The following LRRC57 variants were observed in gnomAD, a reference collection of about 807,000 sequenced individuals.
The protein encoded by LRRC57 is leucine rich repeat containing 57, also known as leucine-rich repeat-containing protein 57.
In LRRC57, 14 loss-of-function variants were observed where a neutral mutation model predicts 23.1. The ratio of observed to expected loss-of-function variants is 0.61; its 90% CI spans 0.40 to 0.95. LRRC57 has a LOEUF of 0.95. Ranked by LOEUF, LRRC57 falls within the 40% of genes least tolerant of loss-of-function variation. The pLI, the probability that LRRC57 is intolerant of heterozygous loss-of-function variation, is 0.00. For missense variants in LRRC57, 236 were observed against 284.4 expected, an observed-to-expected ratio of 0.83 and a Z score of 1.22; for synonymous variants, 106 against 115.2, an observed-to-expected ratio of 0.92 and a Z score of 0.51.
At chr15:42,544,904 T>TA (rs1223864408) in intron 5 of LRRC57, among the ~76,000 whole-genome samples, 173 bp downstream of exon 5, 1 of 148,492 alleles carries the variant, frequency 6.7e-6, no homozygotes, top group African/African-American at 2.6e-5. Flanking sequence ...ATAAGCTGTC[T>TA]ATAGAGAAAA....
rs1260368242 is a variant in LRRC57, at chr15:42,539,897, T to C, written c.*4186A>G. ...GCTTAGACATACAGAATGAGCATATTAATTAAGAGAGGGCAGGCTGGGCAC... is the reference window on the plus strand; with the variant it reads ...GCTTAGACATACAGAATGAGCATATCAATTAAGAGAGGGCAGGCTGGGCAC... On this transcript the variant is annotated 3_prime_UTR_variant, in exon 6 of 6. Transcript: ENST00000397130. 2 of 152,070 alleles carry C rather than the reference T, an allele frequency of 1.3e-5. No homozygotes were observed. The highest frequency in any genetic ancestry group is 2.9e-5 in the Non-Finnish European group (2 of 68,024). 9.4% of individuals were successfully genotyped at this position (152,070 alleles called of 1,614,324 possible).
the LRRC57 span, chr15:42,532,495 G>A: frequency 3.9e-5 from 6 of 152,474 alleles, no homozygotes; most frequent in East Asian, 9.6e-4. Context: ...ATATAAATGA[G>A]TGGCTTTTTA....
chr15:42,533,433 C>T (rs1000553443), downstream of LRRC57, among the ~76,000 whole-genome samples: 1 of 152,194 alleles, frequency 6.6e-6, no homozygotes, highest in African/African-American at 2.4e-5. Flanking sequence ...TGAGATGCAA[C>T]TACACCCTCT....
downstream of LRRC57, among the ~76,000 whole-genome samples, chr15:42,534,631 T>A (rs1293702534): frequency 2.0e-5 from 3 of 152,214 alleles, no homozygotes; most frequent in Non-Finnish European, 2.9e-5. Flanking sequence ...ATGACATTTA[T>A]TTCTTAAGCA....
intron 4 of LRRC57, 115 bp downstream of exon 4, chr15:42,547,146 T>C: frequency 8.6e-7 from 1 of 1,168,088 alleles, no homozygotes; most frequent in Non-Finnish European, 1.2e-6. Context: ...ACCTCTCATT[T>C]AGCCTCTGAT....
At position 42,543,922 on chromosome 15, in the gene LRRC57, G is replaced by A. The variant is rs944299792; in HGVS notation, c.*161C>T. 11 of 538,482 alleles carry A rather than the reference G, an allele frequency of 2.0e-5. No individual in the cohort carries two copies. Among genetic ancestry groups the A allele is most frequent in the Non-Finnish European group, 3.6e-5 (11 of 301,380 alleles). The allele number at this position is 538,482 out of a possible 1,614,324, so 33.4% of individuals were successfully genotyped here. A position where few individuals can be genotyped will look rare whatever the true frequency, so the allele number is the denominator to read the frequency against. On this transcript the variant is annotated 3_prime_UTR_variant, in exon 6 of 6. Transcript: ENST00000397130. ...TTTTCTTTTAGCTTATTTGAGAAGA[G>A]CCCTGAAATGAGAAAAGATCATTGA...
the LRRC57 span, among the ~76,000 whole-genome samples, chr15:42,530,666 C>T: frequency 1.3e-5 from 2 of 152,078 alleles, no homozygotes; most frequent in Non-Finnish European, 2.9e-5. Flanking sequence ...AGAAGGATTG[C>T]TTGAGTGTAG....
chr15:42,529,573 C>T, the LRRC57 span: 53 of 1,197,530 alleles, frequency 4.4e-5, no homozygotes, highest in Admixed American at 2.4e-4. Context: ...GGATCTTATA[C>T]TTGCTGAGAG....
downstream of LRRC57, chr15:42,532,849 T>C (rs1479785235): frequency 6.6e-6 from 1 of 152,638 alleles, no homozygotes; most frequent in African/African-American, 2.4e-5. Context: ...GGTTTAATTA[T>C]TGGTGATTAC....
At chr15:42,529,529 AAT>A in the LRRC57 span, 4 of 743,296 alleles carry the variant, frequency 5.4e-6, no homozygotes, top group Non-Finnish European at 8.6e-6. Context: ...TTTATTATAG[AAT>A]GTTTCCCAGG....
downstream of LRRC57, among the ~76,000 whole-genome samples, chr15:42,537,258 C>CACACACACACACACACAT (rs1364186315): frequency 2.0e-5 from 3 of 151,762 alleles, no homozygotes; most frequent in Admixed American, 6.6e-5. Flanking sequence ...CACACACACA[C>CACACACACACACACACAT]ACACACGCAC....
rs749873765 is a variant in LRRC57 at position 42,545,225 on chromosome 15, C to T, written c.530G>A (p.Arg177His). The T allele has an allele frequency of 1.4e-5, 23 of 1,591,694 alleles. No individual in the cohort carries two copies. The highest frequency in any genetic ancestry group is 4.5e-5 in the East Asian group (2 of 44,418). Residue 177 changes from arginine to histidine, a missense_variant, in exon 5 of 6, where the codon CGC becomes CAC. Transcript: ENST00000397130. ...CTCTTCCAGGCGAAGAATTTTAAGGCGTGGACAGCAAGATATCTTCACTGA... is the reference window on the plus strand; with the variant it reads ...CTCTTCCAGGCGAAGAATTTTAAGGTGTGGACAGCAAGATATCTTCACTGA... Reference protein sequence around the residue: ...QISVKISCCPRLKILRLEENC... With the variant: ...QISVKISCCPHLKILRLEENC...
the LRRC57 span, chr15:42,529,596 C>A: frequency 6.8e-7 from 1 of 1,462,546 alleles, no homozygotes; most frequent in Admixed American, 2.1e-5. Context: ...ATTTTGGTTA[C>A]TTACTTTTGT....
downstream of LRRC57, among the ~76,000 whole-genome samples, chr15:42,534,404 C>T (rs1243178068): frequency 6.6e-6 from 1 of 152,194 alleles, no homozygotes; most frequent in Non-Finnish European, 1.5e-5. Context: ...GCTGGGGTTA[C>T]AGGCGTGAGC....
the LRRC57 span, among the ~76,000 whole-genome samples, chr15:42,530,642 C>T: frequency 3.9e-5 from 6 of 151,954 alleles, no homozygotes; most frequent in South Asian, 2.1e-4. Flanking sequence ...CCCAGTTACT[C>T]GGGAGGCTGA....
Position 42,543,249 on chromosome 15 carries a change from GAGTAC to G in LRRC57, c.*829_*833del, listed in dbSNP as rs1005559276. ...GAGTCTCACTCTGTCACCCACGCTG[GAGTAC>G]AGTGGCATAATCTCGGCTCACTGCA... On this transcript the variant is annotated 3_prime_UTR_variant, in exon 6 of 6. Coordinates refer to ENST00000397130, the MANE Select transcript of LRRC57 (RefSeq NM_153260.3). 2.7e-5 allele frequency: 4 copies of G among 150,638 alleles called. No homozygotes were observed. The highest frequency in any genetic ancestry group is 4.4e-5 in the Non-Finnish European group (3 of 67,820). 9.3% of individuals were successfully genotyped at this position (150,638 alleles called of 1,614,324 possible). A position where few individuals can be genotyped will look rare whatever the true frequency, so the allele number is the denominator to read the frequency against.
chr15:42,547,258 G>T lies in LRRC57; in HGVS notation c.492+3C>A. On this transcript the variant is annotated splice_donor_region_variant and intron_variant, in intron 4 of 5. Coordinates refer to ENST00000397130, the MANE Select transcript of LRRC57 (RefSeq NM_153260.3). The stretch of plus-strand genomic sequence containing the variant: ...TAGGAAAAAAAACCTTAAAGCTCTA[G>T]ACCTGATTCTGGTTGAGGTTGAGTT... 6.2e-7 allele frequency: 1 copy of T among 1,613,556 alleles called. No homozygotes were observed. The highest frequency in any genetic ancestry group is 1.1e-5 in the South Asian group (1 of 90,950).
At chr15:42,547,147 A>C (rs2141581320) in intron 4 of LRRC57, 114 bp downstream of exon 4, 1 of 1,174,126 alleles carries the variant, frequency 8.5e-7, no homozygotes. Flanking sequence ...CCTCTCATTT[A>C]GCCTCTGATA....
chr15:42,533,711 G>A (rs143558542), downstream of LRRC57, among the ~76,000 whole-genome samples: 494 of 152,270 alleles, frequency 3.2e-3, 4 homozygotes, highest in South Asian at 0.016. Flanking sequence ...TCATTTCTGT[G>A]CCTTAATTTG....
Sources: gnomAD v4.1 joint callset for allele counts (sites outside exome capture counted in the v4.1 genomes callset) on GRCh38, gnomAD v4.1.1 for gene constraint, MANE v1.5 for transcripts, NCBI Gene and HGNC (gene_info 2026-07-23, HGNC 2026-07-21) for gene names.